The following MTUS2 variants were observed in gnomAD, a reference collection of about 807,000 sequenced individuals.
MTUS2 encodes the protein microtubule-associated tumor suppressor candidate 2.
In MTUS2, 40 loss-of-function variants were observed where a neutral mutation model predicts 114.1. That is an observed-to-expected ratio of 0.35 (90% CI 0.27 to 0.46). The LOEUF (loss-of-function observed/expected upper bound fraction) is 0.46. Among genes scored for constraint, MTUS2 ranks in the 20% least tolerant of loss-of-function variants. The pLI is 1.00. For synonymous variants in MTUS2, 688 were observed against 672.0 expected, an observed-to-expected ratio of 1.02 and a Z score of -0.37; for missense variants, 1,679 against 1,705.4, an observed-to-expected ratio of 0.98 and a Z score of 0.27.
At chr13:29,209,773 T>A (rs1895348547) in intron 5 of MTUS2, among the ~76,000 whole-genome samples, 1 of 152,180 alleles carries the variant, frequency 6.6e-6, no homozygotes, top group South Asian at 2.1e-4. Flanking sequence ...CCCTTCTGGT[T>A]TGTAGGGTTT....
chr13:29,013,030 A>G (rs17072542), intron 2 of MTUS2, among the ~76,000 whole-genome samples: 1,879 of 152,274 alleles, frequency 0.012, 42 homozygotes, highest in African/African-American at 0.043. Flanking sequence ...CCATTTTTAA[A>G]AGCACTGTTG....
At chr13:29,062,381 G>T (rs546704168) in intron 4 of MTUS2, among the ~76,000 whole-genome samples, 2 of 152,260 alleles carry the variant, frequency 1.3e-5, no homozygotes, top group Admixed American at 6.5e-5. Context: ...GTAGGTCTTT[G>T]GTGCGAATAA....
intron 8 of MTUS2, among the ~76,000 whole-genome samples, chr13:29,416,512 T>C (rs114450993): frequency 3.3e-5 from 5 of 151,510 alleles, no homozygotes; most frequent in African/African-American, 1.2e-4. Flanking sequence ...ATATATAGCA[T>C]ATATTTATAT....
At chr13:29,033,765 T>C in intron 3 of MTUS2, 120 bp from the exon 4 acceptor site, 1 of 1,237,274 alleles carries the variant, frequency 8.1e-7, no homozygotes, top group Non-Finnish European at 1.1e-6. Flanking sequence ...AGGGGACTTG[T>C]GATCAAGCAG....
rs567257013 is a variant in MTUS2, at chr13:29,026,499, G to A, written c.1801G>A (p.Val601Ile). 1.6e-4 allele frequency: 260 copies of A among 1,613,978 alleles called. 5 individuals carry two copies. The South Asian group carries it at 2.7e-3, about 17-fold the overall frequency. The change falls in exon 3 of 16, where the codon GTC (valine) becomes ATC (isoleucine). Residue 601 changes from valine (V) to isoleucine (I), a missense_variant. Around this residue, in one of 3 missense-constraint regions of MTUS2, gnomAD observed 843 missense variants for 770.8 expected, o/e 1.09. Transcript: ENST00000612955. ...TTGCCCCAGTGGGATCCCCAAGCCT[G>A]TCTTCACACATTCCAAGGACACACC... ...NTCPSGIPKP[V>I]FTHSKDTPSS...
chr13:29,050,534 CA>C (rs1887844082), intron 4 of MTUS2, among the ~76,000 whole-genome samples: 1 of 152,258 alleles, frequency 6.6e-6, no homozygotes, highest in South Asian at 2.1e-4. Flanking sequence ...AAATATGCCC[CA>C]GGGGTGCTCT....
At chr13:29,130,224 C>G (rs1013123303) in intron 5 of MTUS2, among the ~76,000 whole-genome samples, 4 of 152,134 alleles carry the variant, frequency 2.6e-5, no homozygotes, top group African/African-American at 9.7e-5. Context: ...CTCTCCACTC[C>G]AAAATCTCCA....
chr13:29,325,739 T>G (rs1228900779), intron 7 of MTUS2, among the ~76,000 whole-genome samples: 1 of 152,234 alleles, frequency 6.6e-6, no homozygotes, highest in Non-Finnish European at 1.5e-5. Context: ...TACTGCCCTG[T>G]GCTCTTTCAA....
intron 8 of MTUS2, among the ~76,000 whole-genome samples, chr13:29,374,789 C>T (rs897187102): frequency 5.9e-4 from 90 of 151,728 alleles, no homozygotes; most frequent in Non-Finnish European, 1.1e-3. Flanking sequence ...CCCAGCTACT[C>T]GGGAGGCTGA....
At chr13:29,316,993 G>A (rs559431524) in intron 6 of MTUS2, among the ~76,000 whole-genome samples, 5 of 152,228 alleles carry the variant, frequency 3.3e-5, no homozygotes, top group African/African-American at 1.2e-4. Context: ...GCTTGGGGGG[G>A]AATTTACAAA....
intron 2 of MTUS2, among the ~76,000 whole-genome samples, chr13:28,916,767 C>A (rs1880768006): frequency 6.6e-6 from 1 of 151,424 alleles, no homozygotes; most frequent in Non-Finnish European, 1.5e-5. Flanking sequence ...ATTTCTTTTT[C>A]ATGTCTGATT....
intron 5 of MTUS2, among the ~76,000 whole-genome samples, chr13:29,232,417 G>T (rs1002238284): frequency 6.6e-6 from 1 of 152,024 alleles, no homozygotes; most frequent in Non-Finnish European, 1.5e-5. Context: ...TAAATTCCAA[G>T]AATGTGAGAG....
intron 1 of MTUS2, among the ~76,000 whole-genome samples, chr13:28,832,154 A>G (rs1874731986): frequency 6.6e-6 from 1 of 152,218 alleles, no homozygotes; most frequent in Non-Finnish European, 1.5e-5. Context: ...GAGCAACTTT[A>G]TAAGCCAACT....
At chr13:28,932,209 G>C (rs190578445) in intron 2 of MTUS2, among the ~76,000 whole-genome samples, 23 of 152,312 alleles carry the variant, frequency 1.5e-4, no homozygotes, top group African/African-American at 4.8e-4. Flanking sequence ...AAATAGTAAG[G>C]TCTTTGGAAC....
intron 2 of MTUS2, among the ~76,000 whole-genome samples, chr13:28,967,629 G>A (rs1416810591): frequency 6.6e-6 from 1 of 152,160 alleles, no homozygotes; most frequent in Non-Finnish European, 1.5e-5. Context: ...TTGGGTCATA[G>A]CATTAGACAC....
At chr13:29,014,646 C>G (rs1885990479) in intron 2 of MTUS2, among the ~76,000 whole-genome samples, 2 of 152,124 alleles carry the variant, frequency 1.3e-5, no homozygotes, top group South Asian at 4.2e-4. Flanking sequence ...CTCAGAAGGG[C>G]TAAAATGTTA....
intron 9 of MTUS2, among the ~76,000 whole-genome samples, chr13:29,462,721 G>A (rs1386936259): frequency 6.6e-6 from 1 of 152,100 alleles, no homozygotes; most frequent in African/African-American, 2.4e-5. Context: ...TCATAGGAAG[G>A]AAGGCTGTGC....
At chr13:29,466,894 A>G (rs930195307) in intron 9 of MTUS2, among the ~76,000 whole-genome samples, 2 of 151,692 alleles carry the variant, frequency 1.3e-5, no homozygotes, top group Non-Finnish European at 2.9e-5. Context: ...AAAAAAAAAA[A>G]AAGAAAAGAA....
At chr13:28,897,090 G>T (rs1225401576) in intron 2 of MTUS2, among the ~76,000 whole-genome samples, 1 of 152,138 alleles carries the variant, frequency 6.6e-6, no homozygotes, top group Non-Finnish European at 1.5e-5. Context: ...CACAGCAAAA[G>T]AAACTACCAT....
Sources: allele counts gnomAD v4.1 joint callset (sites outside exome capture counted in the v4.1 genomes callset), GRCh38; gene constraint gnomAD v4.1.1; regional missense constraint gnomAD v4.1.1; transcripts MANE v1.5; gene names NCBI Gene and HGNC (gene_info 2026-07-23, HGNC 2026-07-21).